The following VEGFA variants were observed in gnomAD, a reference collection of about 807,000 sequenced individuals.
The protein encoded by VEGFA is vascular endothelial growth factor A, long form.
VEGFA carries 20 observed loss-of-function variants against 49.7 expected under a neutral mutation model. That is an observed-to-expected ratio of 0.40 (90% CI 0.28 to 0.58). The LOEUF is 0.58. Among genes scored for constraint, VEGFA ranks in the 20% least tolerant of loss-of-function variants. VEGFA has a pLI of 0.40. For missense variants in VEGFA, 505 were observed against 553.5 expected (o/e 0.91, Z 0.88); for synonymous variants, 219 against 223.4 (o/e 0.98, Z 0.18).
Position 43,771,053 on chromosome 6 carries a change from C to T in VEGFA, c.347C>T (p.Pro116Leu), listed in dbSNP as rs1370001698. 1 of 1,518,628 alleles carries T rather than the reference C, an allele frequency of 6.6e-7. No homozygotes were observed. Among genetic ancestry groups the T allele is most frequent in the East Asian group, 2.6e-5 (1 of 38,230 alleles). The allele number at this position is 1,518,628 out of a possible 1,614,324, so 94.1% of individuals were successfully genotyped here. Residue 116 changes from proline (P) to leucine (L), a missense_variant, in exon 1 of 8, where the codon CCG (proline) becomes CTG (leucine). This residue lies in a region of VEGFA where 340 missense variants were observed against 321.8 expected (regional missense o/e 1.06). Coordinates refer to ENST00000672860, the MANE Select transcript of VEGFA (RefSeq NM_003376.6). ...CAGTGGCGACTCGGCGCTCGGAAGCCGGGCTCATGGACGGGTGAGGCGGCG... is the reference window on the plus strand; with the variant it reads ...CAGTGGCGACTCGGCGCTCGGAAGCTGGGCTCATGGACGGGTGAGGCGGCG...
In VEGFA at chr6:43,777,284, C is replaced by G. The variant is rs1765744039; in HGVS notation, c.659-185C>G. ...CTCTGGAATGAAAACAGGCCTTCAC[C>G]AGTGTTGATGGTGGAAAGCTTAGGG... On this transcript the variant is annotated intron_variant, in intron 2 of 7. Transcript: ENST00000672860. This position sits in a 1 kb window ranked among gnomAD's most constrained non-coding sequence, Gnocchi z 4.3. 3 of 691,392 alleles carry G rather than the reference C, an allele frequency of 4.3e-6. No individual in the cohort carries two copies. The South Asian group carries it at 4.7e-5, about 11-fold the overall frequency. 42.8% of individuals were successfully genotyped at this position (691,392 alleles called of 1,614,324 possible). A position where few individuals can be genotyped will look rare whatever the true frequency, so the allele number is the denominator to read the frequency against.
At chr6:43,783,237 A>T (rs1299223107) in intron 7 of VEGFA, 1 of 152,300 alleles carries the variant, frequency 6.6e-6, no homozygotes, top group African/African-American at 2.4e-5. Context: ...TCAGTCAGGG[A>T]GGCAAGACTT....
chr6:43,778,993 G>A, intron 5 of VEGFA, 75 bp downstream of exon 5: 2 of 1,595,160 alleles, frequency 1.3e-6, no homozygotes, highest in Non-Finnish European at 1.7e-6. Flanking sequence ...GGCTACCTCT[G>A]TTGGGGGCTC....
chr6:43,781,942 T>C lies in VEGFA; in HGVS notation c.1035-14T>C. The C allele has an allele frequency of 3.7e-6, 6 of 1,613,602 alleles. No homozygotes were observed. The highest frequency in any genetic ancestry group is 5.1e-6 in the Non-Finnish European group (6 of 1,179,796). ...TGCTCTAGCTTAGATGTCTTTCCTT[T>C]TGCCTTTTTGCAGTCCCTGTGGGCC... On this transcript the variant is annotated splice_polypyrimidine_tract_variant and intron_variant, in intron 6 of 7. Coordinates refer to ENST00000672860, the MANE Select transcript of VEGFA (RefSeq NM_003376.6).
At chr6:43,774,213 T>C in intron 1 of VEGFA, 128 bp from the exon 2 acceptor site, 2 of 971,630 alleles carry the variant, frequency 2.1e-6, no homozygotes, top group Non-Finnish European at 3.2e-6. Context: ...CCTGTTCGAC[T>C]CAGAAGACTT....
In VEGFA at chr6:43,774,000, T is replaced by G; in HGVS notation, c.607-341T>G. On this transcript the variant is annotated intron_variant, in intron 1 of 7. Transcript: ENST00000672860. The surrounding 1 kb of genome is among the most constrained non-coding windows in gnomAD (Gnocchi z 5.6). ...TTACCATGGCTTTGGACCAGGGAAC[T>G]AGGGGGATAGTGAGAGCAGGGAGAG... The G allele has an allele frequency of 2.4e-6, 1 of 422,878 alleles. No homozygotes were observed. 26.2% of individuals were successfully genotyped at this position (422,878 alleles called of 1,614,324 possible).
rs759956468 is a variant in VEGFA, at chr6:43,784,492, G to A, written c.1167-49G>A. On this transcript the variant is annotated intron_variant, in intron 7 of 7. Coordinates refer to ENST00000672860, the MANE Select transcript of VEGFA (RefSeq NM_003376.6). The stretch of plus-strand genomic sequence containing the variant: ...GGGAGGCCGCCTGCCTCATCGCCAG[G>A]CCTCCTCACTTGGCCCTAACCCCAG... 41 of 1,601,436 alleles carry A rather than the reference G, an allele frequency of 2.6e-5. No individual in the cohort carries two copies. The Admixed American group carries it at 2.8e-4, about 11-fold the overall frequency.
At chr6:43,781,373 C>T (rs3025020) in intron 6 of VEGFA, 64,083 of 247,446 alleles carry the variant, frequency 0.26, 9,557 homozygotes, top group South Asian at 0.37. Context: ...CCCCCTATTC[C>T]GGCCCAACCC....
intron 5 of VEGFA, chr6:43,779,246 C>T: frequency 4.0e-6 from 2 of 501,936 alleles, no homozygotes; most frequent in Non-Finnish European, 7.2e-6. Context: ...CTCTAGGACA[C>T]CCACAGTGGG....
intron 6 of VEGFA, 115 bp downstream of exon 6, chr6:43,780,918 C>T: frequency 6.2e-7 from 1 of 1,610,648 alleles, no homozygotes; most frequent in Non-Finnish European, 8.5e-7. Flanking sequence ...CCCTGGCTCT[C>T]ATCCTCCTGG....
At chr6:43,780,692 GC>G in intron 5 of VEGFA, 39 bp from the exon 6 acceptor site, 2 of 992,564 alleles carry the variant, frequency 2.0e-6, no homozygotes, top group Non-Finnish European at 2.8e-6. Flanking sequence ...TCCCCCCACC[GC>G]CCCCGCTCTC....
chr6:43,779,426 G>T (rs1409971130), intron 5 of VEGFA: 1 of 337,540 alleles, frequency 3.0e-6, no homozygotes, highest in Non-Finnish European at 5.7e-6. Flanking sequence ...CTTGGCCAGG[G>T]AGAAAAAGTT....
chr6:43,779,710 G>C (rs1307634204), intron 5 of VEGFA: 1 of 469,838 alleles, frequency 2.1e-6, no homozygotes, highest in South Asian at 1.5e-5. Flanking sequence ...CTTCCAGAGC[G>C]AGGGGATGCG....
chr6:43,774,656 C>G (rs1025643032), intron 2 of VEGFA: 1 of 563,280 alleles, frequency 1.8e-6, no homozygotes, highest in Non-Finnish European at 3.2e-6. Context: ...AGGAGTCGTG[C>G]GCACAGAGCA....
intron 5 of VEGFA, chr6:43,779,408 A>T (rs1390828494): frequency 2.9e-6 from 1 of 339,974 alleles, no homozygotes; most frequent in East Asian, 6.9e-5. Flanking sequence ...CGGCAGACAC[A>T]CAGCCCTCTT....
In VEGFA at chr6:43,777,946, C is replaced by A; in HGVS notation, c.855+281C>A. 1 of 528,550 alleles carries A rather than the reference C, an allele frequency of 1.9e-6. No individual in the cohort carries two copies. The highest frequency in any genetic ancestry group is 3.4e-6 in the Non-Finnish European group (1 of 293,352). 32.7% of individuals were successfully genotyped at this position (528,550 alleles called of 1,614,324 possible). On this transcript the variant is annotated intron_variant, in intron 3 of 7. Coordinates refer to ENST00000672860, the MANE Select transcript of VEGFA (RefSeq NM_003376.6). The surrounding 1 kb of genome is among the most constrained non-coding windows in gnomAD (Gnocchi z 4.3). ...CTGTGTCAGGAGCCCCTCTCTCCCT[C>A]TCTTGGAGAGAGTCCTGAGTGCCCC... is the stretch of plus-strand genomic sequence containing the variant.
chr6:43,779,892 C>T (rs557621674), intron 5 of VEGFA: 5 of 332,028 alleles, frequency 1.5e-5, no homozygotes, highest in Admixed American at 3.7e-5. Flanking sequence ...CTACAGCCTG[C>T]CCCCCTTCCT....
At chr6:43,772,589 C>G (rs1763985418) in intron 1 of VEGFA, among the ~76,000 whole-genome samples, 1 of 152,236 alleles carries the variant, frequency 6.6e-6, no homozygotes, top group Non-Finnish European at 1.5e-5. Flanking sequence ...CTCCTGCCAG[C>G]CTTGCACACA....
At chr6:43,772,634 G>GT (rs1764001706) in intron 1 of VEGFA, among the ~76,000 whole-genome samples, 1 of 152,150 alleles carries the variant, frequency 6.6e-6, no homozygotes, top group Non-Finnish European at 1.5e-5. Flanking sequence ...TGGAGCAGGT[G>GT]TTTTTTTGGA....
Sources: gnomAD v4.1 joint callset for allele counts (sites outside exome capture counted in the v4.1 genomes callset) on GRCh38, gnomAD v4.1.1 for gene constraint, gnomAD v4.1.1 regional missense constraint, Gnocchi (gnomAD v3.1) non-coding constraint, MANE v1.5 for transcripts, NCBI Gene and HGNC (gene_info 2026-07-23, HGNC 2026-07-21) for gene names.